KCNK2: variants seen among roughly 807,000 people sequenced by gnomAD.
The protein encoded by KCNK2 is potassium two pore domain channel subfamily K member 2.
KCNK2 carries 21 observed loss-of-function variants against 40.5 expected under a neutral mutation model. The ratio of observed to expected loss-of-function variants is 0.52; its 90% CI spans 0.37 to 0.75. The LOEUF (loss-of-function observed/expected upper bound fraction) is 0.75. Ranked by LOEUF, KCNK2 falls within the 30% of genes least tolerant of loss-of-function variation. The pLI, the probability that KCNK2 is intolerant of heterozygous loss-of-function variation, is 0.00. For synonymous variants in KCNK2, 191 were observed against 202.2 expected, an observed-to-expected ratio of 0.94 and a Z score of 0.47; for missense variants, 399 against 531.6, an observed-to-expected ratio of 0.75 and a Z score of 2.45.
At chr1:215,141,622 C>A (rs911421109) in intron 3 of KCNK2, among the ~76,000 whole-genome samples, 1 of 152,062 alleles carries the variant, frequency 6.6e-6, no homozygotes, top group African/African-American at 2.4e-5. Context: ...AAATGGCTTT[C>A]TCTTGCTTTC....
intron 3 of KCNK2, among the ~76,000 whole-genome samples, chr1:215,152,164 G>T (rs1290086764): frequency 6.6e-6 from 1 of 151,984 alleles, no homozygotes; most frequent in East Asian, 1.9e-4. Flanking sequence ...GGCTTGTCTT[G>T]AATTTGTTCT....
At chr1:215,196,814 A>G (rs1278219281) in intron 6 of KCNK2, among the ~76,000 whole-genome samples, 3 of 152,038 alleles carry the variant, frequency 2.0e-5, no homozygotes, top group African/African-American at 7.2e-5. Context: ...TAGCTAGGGA[A>G]TGTTTTGGAC....
intron 1 of KCNK2, among the ~76,000 whole-genome samples, chr1:215,006,898 A>G (rs1656145014): frequency 6.7e-6 from 1 of 149,712 alleles, no homozygotes; most frequent in Non-Finnish European, 1.5e-5. Context: ...TCAAAAATCA[A>G]ATTTCTGGCT....
rs144315978 is a variant in KCNK2, at chr1:215,075,242, A to C, written c.35-11126A>C. On this transcript the variant is annotated intron_variant, in intron 1 of 6. Transcript: ENST00000391895. The stretch of plus-strand genomic sequence containing the variant: ...GGGTGTATATGTTTGTTTTAATGTA[A>C]GCAAATATGCAAAGCTGTTAAAAAG... Among the ~76,000 whole-genome samples, 395 of 152,362 alleles carry C rather than the reference A, an allele frequency of 2.6e-3. 1 individual carries two copies. The highest frequency in any genetic ancestry group is 0.017 in the Middle Eastern group (5 of 294).
chr1:215,164,799 T>G (rs1663368998), intron 3 of KCNK2, among the ~76,000 whole-genome samples: 1 of 152,164 alleles, frequency 6.6e-6, no homozygotes, highest in Non-Finnish European at 1.5e-5. Context: ...GGCACACACT[T>G]ATCACACGTT....
In KCNK2 at chr1:215,095,676, T is replaced by C. The variant is rs138108328; in HGVS notation, c.357+8998T>C. 2.0e-5 allele frequency among the ~76,000 whole-genome samples: 3 copies of C among 152,168 alleles called. No homozygotes were observed. The East Asian group carries it at 5.8e-4, about 29-fold the overall frequency. On this transcript the variant is annotated intron_variant, in intron 2 of 6. Transcript: ENST00000444842. ...GTTTTTTTCACCCCAGGCTCCTGTT[T>C]TACCCAACCCTACAAACCAAATCAG...
At chr1:215,113,120 A>G (rs762029685) in intron 2 of KCNK2, among the ~76,000 whole-genome samples, 1 of 152,198 alleles carries the variant, frequency 6.6e-6, no homozygotes, top group African/African-American at 2.4e-5. Context: ...ATAAACATAT[A>G]AGACAAGGCC....
At chr1:215,158,302 A>C (rs1446737399) in intron 3 of KCNK2, among the ~76,000 whole-genome samples, 2 of 152,152 alleles carry the variant, frequency 1.3e-5, no homozygotes, top group Non-Finnish European at 2.9e-5. Context: ...CCTAACATCT[A>C]GAATTCTCTT....
chr1:215,012,525 T>A (rs190549028), intron 1 of KCNK2, among the ~76,000 whole-genome samples: 7 of 151,918 alleles, frequency 4.6e-5, no homozygotes, highest in Non-Finnish European at 1.0e-4. Context: ...CAGATTGGAG[T>A]GAAGTGAACA....
rs370946670 is a variant in KCNK2 at position 215,083,201 on chromosome 1, C to CT, written c.-185_-184insT. Reference sequence around the variant, plus strand: ...TTTCGTTTCTTCTCACGCTCCCCCCCCCGCCCCCTCCCGCGTCCAGCCCCG... The same window carrying CT: ...TTTCGTTTCTTCTCACGCTCCCCCCCTCCGCCCCCTCCCGCGTCCAGCCCCG... On this transcript the variant is annotated 5_prime_UTR_variant, in exon 1 of 7. Transcript: ENST00000444842. 0.037 allele frequency: 28,169 copies of CT among 752,308 alleles called. 1,062 individuals carry two copies. The highest frequency in any genetic ancestry group is 0.067 in the South Asian group (4,373 of 65,738). 46.6% of individuals were successfully genotyped at this position (752,308 alleles called of 1,614,324 possible).
chr1:215,200,781 C>T (rs1665051008), intron 6 of KCNK2, among the ~76,000 whole-genome samples: 1 of 151,982 alleles, frequency 6.6e-6, no homozygotes, highest in Non-Finnish European at 1.5e-5. Context: ...ATTAATTGTG[C>T]ACAATAAAGA....
At chr1:215,027,260 A>T (rs1657031846) in intron 1 of KCNK2, among the ~76,000 whole-genome samples, 2 of 152,102 alleles carry the variant, frequency 1.3e-5, no homozygotes, top group Non-Finnish European at 2.9e-5. Context: ...CACTGTTTTC[A>T]TTGGAGTTTT....
intron 1 of KCNK2, among the ~76,000 whole-genome samples, chr1:215,061,025 G>A (rs988811163): frequency 1.4e-4 from 22 of 152,064 alleles, no homozygotes; most frequent in African/African-American, 4.1e-4. Flanking sequence ...AGTATTTAAC[G>A]TGTATATAAT....
intron 1 of KCNK2, among the ~76,000 whole-genome samples, chr1:215,060,775 A>C (rs573674324): frequency 6.6e-6 from 1 of 152,308 alleles, no homozygotes; most frequent in Middle Eastern, 3.4e-3. Flanking sequence ...ATATGGGACT[A>C]ATAATATTAG....
At position 215,205,580 on chromosome 1, in the gene KCNK2, ATCT is replaced by A. The variant is rs1388447073; in HGVS notation, c.963+10493_963+10495del. ...TAATTGCATCTGTGAGTGCCTCAAG[ATCT>A]TCTTGCCCTCCAGCACAATTACCAT... On this transcript the variant is annotated intron_variant, in intron 6 of 6. Coordinates refer to ENST00000444842, the MANE Select transcript of KCNK2 (RefSeq NM_001017425.3). Among the ~76,000 whole-genome samples the A allele has an allele frequency of 1.3e-5, 2 of 152,058 alleles. 1 individual carries two copies. The highest frequency in any genetic ancestry group is 1.3e-4 in the Admixed American group (2 of 15,266).
upstream of KCNK2, among the ~76,000 whole-genome samples, chr1:215,080,369 CA>C (rs1659106474): frequency 1.3e-5 from 2 of 151,830 alleles, no homozygotes; most frequent in South Asian, 2.1e-4. Context: ...AAATAATATT[CA>C]AAAAAATTTG....
chr1:215,184,750 G>A (rs938128510), intron 5 of KCNK2, among the ~76,000 whole-genome samples: 4 of 152,104 alleles, frequency 2.6e-5, no homozygotes, highest in African/African-American at 7.2e-5. Flanking sequence ...TTCATGACAG[G>A]TGGGGATTAT....
At chr1:215,223,344 T>C (rs1666261520) in intron 6 of KCNK2, among the ~76,000 whole-genome samples, 1 of 151,492 alleles carries the variant, frequency 6.6e-6, no homozygotes, top group Non-Finnish European at 1.5e-5. Flanking sequence ...GAGTTTCAGG[T>C]AGAAATCCCT....
intron 3 of KCNK2, among the ~76,000 whole-genome samples, chr1:215,152,012 C>T (rs1468850600): frequency 6.6e-6 from 1 of 152,068 alleles, no homozygotes; most frequent in Admixed American, 6.6e-5. Context: ...TGTTTAGAGG[C>T]TTATGTTGAG....
Sources: gnomAD v4.1 joint callset for allele counts (sites outside exome capture counted in the v4.1 genomes callset) on GRCh38, gnomAD v4.1.1 for gene constraint, MANE v1.5 for transcripts, NCBI Gene and HGNC (gene_info 2026-07-23, HGNC 2026-07-21) for gene names.